Variants in CREBBP observed in about 807,000 individuals in gnomAD.
The protein encoded by CREBBP is CREB-binding protein.
CREBBP carries 19 observed loss-of-function variants against 265.0 expected under a neutral mutation model. That is an observed-to-expected ratio of 0.07 (90% CI 0.05 to 0.11). CREBBP has a LOEUF of 0.11. Ranked by LOEUF, CREBBP falls within the 10% of genes least tolerant of loss-of-function variation. The probability of loss-of-function intolerance (pLI) is 1.00; values close to 1 mark genes in which losing one functional copy is unlikely to be tolerated. For synonymous variants in CREBBP, 1,457 were observed against 1,223.7 expected (o/e 1.19, Z -3.98); for missense variants, 2,525 against 3,219.0 (o/e 0.78, Z 5.22).
At chr16:3,847,715 A>G (rs985009709) in intron 2 of CREBBP, among the ~76,000 whole-genome samples, 16 of 152,344 alleles carry the variant, frequency 1.1e-4, no homozygotes, top group African/African-American at 3.8e-4. Context: ...TGTAATCAGC[A>G]AAGTCCAACT....
rs2141192763 is a variant in CREBBP at position 3,769,341 on chromosome 16, C to A, written c.2893G>T (p.Ala965Ser). The change falls in exon 15 of 31, where the codon GCA becomes TCA. Residue 965 changes from alanine (A) to serine (S), a missense_variant. Physicochemically the swap from Ala to Ser is moderately conservative, Grantham distance 99. Transcript: ENST00000262367. The stretch of plus-strand genomic sequence containing the variant: ...GGGACTCTGTTATCAATGCTGGCTG[C>A]TGCCTGGGAAAGCTGTGAAAAAACC... ...QPPGTPLSQA[A>S]ASIDNRVPTP... 6.2e-7 allele frequency: 1 copy of A among 1,614,192 alleles called. No homozygotes were observed. The highest frequency in any genetic ancestry group is 1.3e-5 in the African/African-American group (1 of 75,050).
chr16:3,753,814 C>A (rs530294642), intron 19 of CREBBP, among the ~76,000 whole-genome samples: 6 of 152,284 alleles, frequency 3.9e-5, no homozygotes, highest in Middle Eastern at 3.4e-3. Context: ...ATGATACAAT[C>A]AAACACGCAG....
At chr16:3,827,383 A>T (rs918151022) in intron 2 of CREBBP, among the ~76,000 whole-genome samples, 5 of 152,060 alleles carry the variant, frequency 3.3e-5, no homozygotes, top group Non-Finnish European at 7.4e-5. Flanking sequence ...GATCTTGCTT[A>T]CTTTTTATTT....
chr16:3,818,390 C>T (rs1015984206), intron 2 of CREBBP, among the ~76,000 whole-genome samples: 2 of 150,986 alleles, frequency 1.3e-5, no homozygotes, highest in South Asian at 2.1e-4. Flanking sequence ...TCACTGCAAC[C>T]TCTGCCTCCC....
intron 2 of CREBBP, among the ~76,000 whole-genome samples, chr16:3,814,277 CAG>C (rs2053996684): frequency 7.3e-6 from 1 of 137,658 alleles, no homozygotes; most frequent in South Asian, 2.3e-4. Flanking sequence ...GTGTTTGAGA[CAG>C]AGTCTCGTTC....
Position 3,727,405 on chromosome 16 carries a change from C to A in CREBBP, c.*313G>T. 1 of 308,392 alleles carries A rather than the reference C, an allele frequency of 3.2e-6. No individual in the cohort carries two copies. The highest frequency in any genetic ancestry group is 4.7e-5 in the Admixed American group (1 of 21,418). The allele number at this position is 308,392 out of a possible 1,614,324, so 19.1% of individuals were successfully genotyped here. On this transcript the variant is annotated 3_prime_UTR_variant, in exon 31 of 31. Transcript: ENST00000262367. Reference sequence around the variant, plus strand: ...ACTTGTTTTTCCCGTTAAAAAAAGGCATGAGTCACCAGCAATGACGACAAA... The same window carrying A: ...ACTTGTTTTTCCCGTTAAAAAAAGGAATGAGTCACCAGCAATGACGACAAA...
At chr16:3,831,214 A>G (rs1205729753) in intron 2 of CREBBP, among the ~76,000 whole-genome samples, 1 of 152,240 alleles carries the variant, frequency 6.6e-6, no homozygotes, top group Non-Finnish European at 1.5e-5. Flanking sequence ...AACCAACAAT[A>G]AAATATCTGC....
intron 2 of CREBBP, among the ~76,000 whole-genome samples, chr16:3,822,317 G>C (rs2054157459): frequency 6.6e-6 from 1 of 152,176 alleles, no homozygotes; most frequent in Non-Finnish European, 1.5e-5. Flanking sequence ...ATGTGTATAG[G>C]TAACGCAACG....
intron 13 of CREBBP, among the ~76,000 whole-genome samples, chr16:3,771,582 AC>A (rs2053009669): frequency 6.6e-6 from 1 of 151,572 alleles, no homozygotes; most frequent in South Asian, 2.1e-4. Context: ...ACATTCCAAG[AC>A]CCCCAGTCTT....
chr16:3,749,565 G>A (rs2151367559), intron 21 of CREBBP, 62 bp downstream of exon 21: 1 of 1,144,208 alleles, frequency 8.7e-7, no homozygotes, highest in Non-Finnish European at 1.3e-6. Context: ...CACTCCATAA[G>A]GAGTAACTTT....
chr16:3,874,654 G>A (rs535538905), intron 1 of CREBBP, among the ~76,000 whole-genome samples: 21 of 152,318 alleles, frequency 1.4e-4, no homozygotes, highest in South Asian at 4.1e-4. Context: ...GAGTTCTAGC[G>A]TCAAACAGGA....
rs190327955 is a variant in CREBBP, at chr16:3,864,479, T to C, written c.86-13470A>G. ...GGGCAACATAGCGAAACCCGGTCTC[T>C]ACAAAAAAAAGTACAAAAATTAGCC... On this transcript the variant is annotated intron_variant, in intron 1 of 30. Transcript: ENST00000262367. Among the ~76,000 whole-genome samples, 215 of 151,974 alleles carry C rather than the reference T, an allele frequency of 1.4e-3. 1 individual carries two copies. The highest frequency in any genetic ancestry group is 1.6e-3 in the Non-Finnish European group (106 of 67,966).
chr16:3,765,811 C>G (rs997114791), intron 16 of CREBBP, among the ~76,000 whole-genome samples: 1 of 152,046 alleles, frequency 6.6e-6, no homozygotes, highest in African/African-American at 2.4e-5. Flanking sequence ...CCATACCCAG[C>G]TAATTTTTTT....
intron 28 of CREBBP, among the ~76,000 whole-genome samples, chr16:3,733,275 T>C (rs2051964533): frequency 6.8e-6 from 1 of 147,088 alleles, no homozygotes; most frequent in African/African-American, 2.5e-5. Flanking sequence ...GGCAGGAGAA[T>C]GGTGTGAACC....
At position 3,879,825 on chromosome 16, in the gene CREBBP, T is replaced by TC; in HGVS notation, c.85+6dup. 2 of 1,475,954 alleles carry TC rather than the reference T, an allele frequency of 1.4e-6. No individual in the cohort carries two copies. Among genetic ancestry groups the TC allele is most frequent in the Non-Finnish European group, 9.4e-7 (1 of 1,067,370 alleles). 91.4% of individuals were successfully genotyped at this position (1,475,954 alleles called of 1,614,324 possible). A position where few individuals can be genotyped will look rare whatever the true frequency, so the allele number is the denominator to read the frequency against. On this transcript the variant is annotated splice_region_variant and intron_variant, in intron 1 of 30. Transcript: ENST00000262367. ...CGGGCCCCCGCCGCCCCGGACCCCCTCCTCACCTGTGCTGTCATTCGCCGA... is the reference window on the plus strand; with the variant it reads ...CGGGCCCCCGCCGCCCCGGACCCCCTCCCTCACCTGTGCTGTCATTCGCCGA...
At chr16:3,815,550 A>AAAAAT (rs1491515471) in intron 2 of CREBBP, among the ~76,000 whole-genome samples, 19 of 134,868 alleles carry the variant, frequency 1.4e-4, no homozygotes, top group Non-Finnish European at 2.4e-4. Flanking sequence ...AAAAAAAAAA[A>AAAAAT]TTTTTTTTTT....
rs558952901 is a variant in CREBBP, at chr16:3,842,998, A to G, written c.798+7299T>C. Reference sequence around the variant, plus strand: ...AAAAAAAAAAAAAAAAAAAAAAATTAGGAATGAGAAGAGAAATAATCACAA... The same window carrying G: ...AAAAAAAAAAAAAAAAAAAAAAATTGGGAATGAGAAGAGAAATAATCACAA... On this transcript the variant is annotated intron_variant, in intron 2 of 30. Transcript: ENST00000262367. Among the ~76,000 whole-genome samples the G allele has an allele frequency of 3.4e-5, 5 of 148,480 alleles. No homozygotes were observed. The East Asian group carries it at 9.8e-4, about 29-fold the overall frequency.
rs1567360816 is a variant in CREBBP at position 3,849,453 on chromosome 16, GTGT to G, written c.798+841_798+843del. On this transcript the variant is annotated intron_variant, in intron 2 of 30. Transcript: ENST00000262367. ...TGTGTGTGTGTGTGTGTGTGTGTGT[GTGT>G]GTGTGTGTGTGTGTGTGTGTGTGTG... 1.3e-4 allele frequency among the ~76,000 whole-genome samples: 9 copies of G among 71,730 alleles called. 1 individual carries two copies. Among genetic ancestry groups the G allele is most frequent in the Admixed American group, 4.2e-4 (3 of 7,180 alleles). The allele number at this position is 71,730 out of a possible 152,430, so 47.1% of individuals were successfully genotyped here. A position where few individuals can be genotyped will look rare whatever the true frequency, so the allele number is the denominator to read the frequency against.
chr16:3,761,358 C>CAGGT (rs1347833962), intron 16 of CREBBP, among the ~76,000 whole-genome samples: 2 of 152,170 alleles, frequency 1.3e-5, no homozygotes, highest in Non-Finnish European at 2.9e-5. Context: ...CGGCAAGCAT[C>CAGGT]AGGTACATGG....
Sources: allele counts gnomAD v4.1 joint callset (sites outside exome capture counted in the v4.1 genomes callset), GRCh38; gene constraint gnomAD v4.1.1; transcripts MANE v1.5; gene names NCBI Gene and HGNC (gene_info 2026-07-23, HGNC 2026-07-21).